EYS: variants seen among roughly 807,000 people sequenced by gnomAD.
EYS encodes protein eyes shut homolog.
Under a neutral mutation model 282.1 loss-of-function variants are expected in EYS, and 250 were observed. The ratio of observed to expected loss-of-function variants is 0.89; its 90% CI spans 0.80 to 0.98. The LOEUF is 0.98. Among genes scored for constraint, EYS ranks in the 50% least tolerant of loss-of-function variants. EYS has a pLI of 0.00. For missense variants in EYS, 4,016 were observed against 3,709.0 expected (o/e 1.08, Z -2.15); for synonymous variants, 1,355 against 1,282.9 (o/e 1.06, Z -1.20).
At chr6:65,616,906 A>G (rs369164747) in intron 2 of EYS, among the ~76,000 whole-genome samples, 1 of 152,236 alleles carries the variant, frequency 6.6e-6, no homozygotes, top group Admixed American at 6.5e-5. Context: ...ACTAACTAAT[A>G]CATTGAAGCT....
chr6:64,990,938 C>T (rs991688162), intron 14 of EYS, among the ~76,000 whole-genome samples: 2 of 151,400 alleles, frequency 1.3e-5, no homozygotes, highest in East Asian at 3.9e-4. Context: ...TCAGAGCCAT[C>T]ATAGGTTCAA....
intron 1 of EYS, among the ~76,000 whole-genome samples, chr6:65,647,624 A>G (rs538712545): frequency 6.6e-6 from 1 of 152,362 alleles, no homozygotes; most frequent in South Asian, 2.1e-4. Context: ...TTCATGACTA[A>G]GAACTCAAAA....
intron 39 of EYS, among the ~76,000 whole-genome samples, chr6:63,786,509 G>A (rs973902149): frequency 3.4e-5 from 5 of 145,494 alleles, no homozygotes; most frequent in African/African-American, 5.1e-5. Flanking sequence ...ACAGGGAGGG[G>A]AACATCACAT....
chr6:63,827,572 C>T (rs908744968), intron 36 of EYS, among the ~76,000 whole-genome samples: 18 of 152,132 alleles, frequency 1.2e-4, no homozygotes, highest in Non-Finnish European at 2.1e-4. Flanking sequence ...CGGCCGGGCG[C>T]GGTGGCTCAC....
chr6:64,113,478 T>C (rs1372130028), intron 31 of EYS, among the ~76,000 whole-genome samples: 1 of 152,186 alleles, frequency 6.6e-6, no homozygotes, highest in African/African-American at 2.4e-5. Flanking sequence ...CAAGGAACAA[T>C]CTCTAGTTTA....
intron 22 of EYS, among the ~76,000 whole-genome samples, chr6:64,657,119 T>C: frequency 6.6e-6 from 1 of 152,326 alleles, no homozygotes; most frequent in East Asian, 1.9e-4. Flanking sequence ...TGGCCTTCTT[T>C]GTCTCTTTTG....
At chr6:63,867,067 A>G (rs1342319685) in intron 35 of EYS, among the ~76,000 whole-genome samples, 2 of 152,088 alleles carry the variant, frequency 1.3e-5, no homozygotes, top group African/African-American at 4.8e-5. Context: ...CTGCCACTTG[A>G]CCTACTTTGA....
intron 8 of EYS, among the ~76,000 whole-genome samples, chr6:65,368,587 T>C (rs1279742178): frequency 6.6e-6 from 1 of 151,758 alleles, no homozygotes; most frequent in Non-Finnish European, 1.5e-5. Flanking sequence ...AAGATGCTTC[T>C]TACGTTATTT....
At chr6:63,783,486 C>T (rs1770287857) in intron 39 of EYS, among the ~76,000 whole-genome samples, 2 of 152,206 alleles carry the variant, frequency 1.3e-5, no homozygotes, top group South Asian at 4.1e-4. Flanking sequence ...AAGCACCATT[C>T]CAGGTGCTGT....
intron 31 of EYS, among the ~76,000 whole-genome samples, chr6:64,125,173 T>G (rs569987749): frequency 0.011 from 1,623 of 150,998 alleles, 29 homozygotes; most frequent in African/African-American, 0.037. Context: ...TCTCTCTCTC[T>G]CTCGCTCTCT....
intron 35 of EYS, among the ~76,000 whole-genome samples, chr6:63,869,488 AT>A (rs1226336677): frequency 6.6e-6 from 1 of 152,188 alleles, no homozygotes; most frequent in Non-Finnish European, 1.5e-5. Flanking sequence ...CCAGAAAGAG[AT>A]ATCTTTTCCA....
chr6:64,160,444 C>T (rs1389511001), intron 31 of EYS, among the ~76,000 whole-genome samples: 1 of 152,114 alleles, frequency 6.6e-6, no homozygotes. Context: ...CAAGTTAAAG[C>T]ATTCCTGGGA....
chr6:65,377,131 A>G (rs930285947), intron 8 of EYS, among the ~76,000 whole-genome samples: 1 of 152,094 alleles, frequency 6.6e-6, no homozygotes, highest in African/African-American at 2.4e-5. Flanking sequence ...GAAGTAAAAC[A>G]CTCCTCAACA....
chr6:63,831,298 C>T (rs542175374), intron 36 of EYS, among the ~76,000 whole-genome samples: 1 of 152,184 alleles, frequency 6.6e-6, no homozygotes, highest in Non-Finnish European at 1.5e-5. Flanking sequence ...CAAGACCCAT[C>T]AGTGTGCTGT....
intron 26 of EYS, among the ~76,000 whole-genome samples, chr6:64,569,764 C>A (rs192224061): frequency 7.2e-4 from 109 of 151,898 alleles, no homozygotes; most frequent in Non-Finnish European, 1.4e-3. Flanking sequence ...TGAAAAGGAA[C>A]AGACAAAGCC....
chr6:64,421,860 G>GT (rs1554159220), intron 28 of EYS, among the ~76,000 whole-genome samples: 37,404 of 138,112 alleles, frequency 0.27, 4,967 homozygotes, highest in East Asian at 0.36. Context: ...TTGTTTGGGG[G>GT]GTGTGTGTGT....
At chr6:64,929,595 T>C (rs1010893083) in intron 15 of EYS, among the ~76,000 whole-genome samples, 2 of 152,140 alleles carry the variant, frequency 1.3e-5, no homozygotes, top group Non-Finnish European at 2.9e-5. Context: ...TGACCAATAA[T>C]TGGTGGTAGG....
At chr6:64,461,785 AAT>A (rs1293959161) in intron 26 of EYS, among the ~76,000 whole-genome samples, 2 of 152,300 alleles carry the variant, frequency 1.3e-5, no homozygotes, top group African/African-American at 4.8e-5. Flanking sequence ...ACAATATGAT[AAT>A]ATGTCTATAT....
intron 11 of EYS, among the ~76,000 whole-genome samples, chr6:65,301,938 A>G (rs1424805801): frequency 6.6e-6 from 1 of 152,262 alleles, no homozygotes; most frequent in Non-Finnish European, 1.5e-5. Context: ...AATTCCTGGA[A>G]AATTGACTAG....
Sources: gnomAD v4.1 joint callset for allele counts (sites outside exome capture counted in the v4.1 genomes callset) on GRCh38, gnomAD v4.1.1 for gene constraint, MANE v1.5 for transcripts, NCBI Gene and HGNC (gene_info 2026-07-23, HGNC 2026-07-21) for gene names.